SDK1: variants seen among roughly 807,000 people sequenced by gnomAD.
SDK1 encodes the protein sidekick cell adhesion molecule 1.
In SDK1, 157 loss-of-function variants were observed where a neutral mutation model predicts 245.5. That is an observed-to-expected ratio of 0.64 (90% CI 0.56 to 0.73). SDK1 has a LOEUF of 0.73. SDK1 is among the 30% of genes least tolerant of loss of function. The pLI, the probability that SDK1 is intolerant of heterozygous loss-of-function variation, is 0.00. For synonymous variants in SDK1, 1,647 were observed against 1,278.5 expected (o/e 1.29, Z -6.15); for missense variants, 3,583 against 3,002.3 (o/e 1.19, Z -4.52).
At chr7:3,582,404 G>T (rs1780531914) in intron 1 of SDK1, among the ~76,000 whole-genome samples, 1 of 148,014 alleles carries the variant, frequency 6.8e-6, no homozygotes, top group African/African-American at 2.5e-5. Flanking sequence ...CCTCAGGTAG[G>T]TCTCCCTCAG....
chr7:4,240,032 T>C (rs928747448), intron 42 of SDK1, among the ~76,000 whole-genome samples: 5 of 152,192 alleles, frequency 3.3e-5, no homozygotes, highest in Non-Finnish European at 7.3e-5. Context: ...AAAGAAAGGA[T>C]TTATTTTTTT....
At chr7:3,459,961 G>A (rs1780784011) in intron 1 of SDK1, among the ~76,000 whole-genome samples, 1 of 152,168 alleles carries the variant, frequency 6.6e-6, no homozygotes, top group Non-Finnish European at 1.5e-5. Flanking sequence ...CTCTTGGATA[G>A]CAAAGAAAGT....
intron 1 of SDK1, among the ~76,000 whole-genome samples, chr7:3,410,484 G>T (rs754421253): frequency 4.0e-5 from 6 of 150,552 alleles, no homozygotes; most frequent in Non-Finnish European, 7.4e-5. Context: ...TACTCAATTT[G>T]TGTACACATC....
intron 25 of SDK1, among the ~76,000 whole-genome samples, chr7:4,123,724 T>C (rs1401130162): frequency 2.0e-5 from 3 of 152,216 alleles, no homozygotes; most frequent in African/African-American, 7.2e-5. Context: ...ATTATCTCCC[T>C]CCAAAAATAG....
rs554189495 is a variant in SDK1, at chr7:4,209,128, T to G, written c.5401+843T>G. Among the ~76,000 whole-genome samples the G allele has an allele frequency of 4.6e-5, 7 of 152,290 alleles. No homozygotes were observed. The South Asian group carries it at 1.5e-3, about 32-fold the overall frequency. ...CTCTCATGTGCTGACCACAACCAGG[T>G]TGCAAGGACCACTTCCTTTGGCTTC... On this transcript the variant is annotated intron_variant, in intron 37 of 44. Transcript: ENST00000404826.
intron 1 of SDK1, among the ~76,000 whole-genome samples, chr7:3,589,443 C>T (rs1428933856): frequency 6.6e-6 from 1 of 152,192 alleles, no homozygotes; most frequent in Non-Finnish European, 1.5e-5. Context: ...CTCCCCATGT[C>T]TTTTAGGTTT....
chr7:3,821,645 C>T lies in SDK1; in HGVS notation c.847+62C>T, dbSNP rs1025976114. ...AATAAAATCTTGCTTTAATCAGTAA[C>T]CACTGTCTGACAGGACATTTTGCAA... is the stretch of plus-strand genomic sequence containing the variant. On this transcript the variant is annotated intron_variant, in intron 5 of 44. Transcript: ENST00000404826. 4 of 1,559,932 alleles carry T rather than the reference C, an allele frequency of 2.6e-6. No individual in the cohort carries two copies. In the African/African-American group the frequency reaches 4.1e-5, roughly 16 times the overall value.
intron 4 of SDK1, among the ~76,000 whole-genome samples, chr7:3,751,000 CTT>C (rs1317913709): frequency 1.3e-5 from 2 of 152,168 alleles, no homozygotes; most frequent in African/African-American, 4.8e-5. Context: ...TGAGAACTGT[CTT>C]TTTCCTTCCC....
chr7:4,067,967 AG>A lies in SDK1; in HGVS notation c.3010+32del, dbSNP rs775003974. On this transcript the variant is annotated intron_variant, in intron 20 of 44. Coordinates refer to ENST00000404826, the MANE Select transcript of SDK1 (RefSeq NM_152744.4). ...TAGGCCTGTCCTTCAAAAAAGGAAA[AG>A]ATAAGTTTGTCCTCACAAAAAGAAG... 27 of 1,513,640 alleles carry A rather than the reference AG, an allele frequency of 1.8e-5. 1 individual carries two copies. In the South Asian group the frequency reaches 3.2e-4, roughly 18 times the overall value. 93.8% of individuals were successfully genotyped at this position (1,513,640 alleles called of 1,614,324 possible).
chr7:3,303,269 G>A (rs183600246), intron 1 of SDK1, among the ~76,000 whole-genome samples: 8 of 152,162 alleles, frequency 5.3e-5, no homozygotes, highest in Admixed American at 3.9e-4. Flanking sequence ...AGAGCAACCA[G>A]GTTCAAGTGA....
chr7:3,459,681 A>G (rs1421644831), intron 1 of SDK1, among the ~76,000 whole-genome samples: 7 of 152,166 alleles, frequency 4.6e-5, no homozygotes. Flanking sequence ...TTCGTCGCAT[A>G]TTGTTGGGAA....
intron 4 of SDK1, among the ~76,000 whole-genome samples, chr7:3,665,825 G>A (rs547139493): frequency 2.6e-5 from 4 of 152,272 alleles, no homozygotes; most frequent in Non-Finnish European, 4.4e-5. Flanking sequence ...AGTATCCAGC[G>A]TTCCTTGTGT....
chr7:3,638,940 A>G, intron 2 of SDK1, 64 bp from the exon 3 acceptor site: 1 of 936,024 alleles, frequency 1.1e-6, no homozygotes, highest in Non-Finnish European at 1.6e-6. Flanking sequence ...ATAGCATCTG[A>G]TGGTTAGATA....
At chr7:3,387,601 T>C (rs1290762493) in intron 1 of SDK1, among the ~76,000 whole-genome samples, 1 of 152,196 alleles carries the variant, frequency 6.6e-6, no homozygotes, top group Non-Finnish European at 1.5e-5. Flanking sequence ...CATTGCATTT[T>C]TGTGTGTGAT....
At chr7:3,351,546 A>G (rs942136115) in intron 1 of SDK1, among the ~76,000 whole-genome samples, 7 of 152,216 alleles carry the variant, frequency 4.6e-5, no homozygotes, top group Non-Finnish European at 1.0e-4. Flanking sequence ...TAGGTTTACA[A>G]GAAGCATATC....
chr7:3,440,112 A>T (rs1373835414), intron 1 of SDK1, among the ~76,000 whole-genome samples: 2 of 152,174 alleles, frequency 1.3e-5, no homozygotes, highest in African/African-American at 4.8e-5. Flanking sequence ...GAAATCCGGA[A>T]GTAAATAATT....
At chr7:3,637,087 G>GTA (rs1554300726) in intron 2 of SDK1, among the ~76,000 whole-genome samples, 6 of 138,660 alleles carry the variant, frequency 4.3e-5, no homozygotes, top group African/African-American at 1.6e-4. Context: ...GCGTGCGCGC[G>GTA]TGTGTGTGTG....
intron 1 of SDK1, chr7:3,476,166 C>T (rs1224026071): frequency 3.3e-5 from 5 of 152,548 alleles, no homozygotes; most frequent in African/African-American, 7.2e-5. Context: ...TGGAGAGCTT[C>T]CTAAAAGGTA....
intron 5 of SDK1, among the ~76,000 whole-genome samples, chr7:3,885,988 C>T (rs2128100571): frequency 6.6e-6 from 1 of 152,258 alleles, no homozygotes; most frequent in Non-Finnish European, 1.5e-5. Flanking sequence ...GATTTCAGTG[C>T]AAGGGGTTTA....
Sources: gnomAD v4.1 joint callset for allele counts (sites outside exome capture counted in the v4.1 genomes callset) on GRCh38, gnomAD v4.1.1 for gene constraint, MANE v1.5 for transcripts, NCBI Gene and HGNC (gene_info 2026-07-23, HGNC 2026-07-21) for gene names.